The following PRICKLE1 variants were observed in gnomAD, a reference collection of about 807,000 sequenced individuals.
PRICKLE1 encodes the protein prickle-like protein 1.
In PRICKLE1, 14 loss-of-function variants were observed where a neutral mutation model predicts 70.2. The observed-to-expected ratio is 0.20, with a 90% CI of 0.13 to 0.31. The LOEUF is 0.31. Among genes scored for constraint, PRICKLE1 ranks in the 10% least tolerant of loss-of-function variants. PRICKLE1 has a pLI of 1.00. For missense variants in PRICKLE1, 821 were observed against 1,026.2 expected, an observed-to-expected ratio of 0.80 and a Z score of 2.73; for synonymous variants, 357 against 379.9, an observed-to-expected ratio of 0.94 and a Z score of 0.70.
intron 1 of PRICKLE1, among the ~76,000 whole-genome samples, chr12:42,575,432 C>T (rs1430919066): frequency 1.3e-5 from 2 of 152,126 alleles, no homozygotes; most frequent in Admixed American, 1.3e-4. Context: ...CAGTGGCTCA[C>T]GCCTGTAATC....
chr12:42,512,328 G>C (rs917202810), intron 1 of PRICKLE1, among the ~76,000 whole-genome samples: 29 of 136,202 alleles, frequency 2.1e-4, no homozygotes, highest in Non-Finnish European at 4.9e-4. Context: ...GCGGCACCAT[G>C]CCCAGCTAAT....
chr12:42,580,885 GA>G (rs1191348580), intron 1 of PRICKLE1, among the ~76,000 whole-genome samples: 2 of 151,942 alleles, frequency 1.3e-5, no homozygotes, highest in Non-Finnish European at 2.9e-5. Flanking sequence ...AAAGAGAAAG[GA>G]AGGAAGGACG....
At chr12:42,517,049 C>T (rs1321966747) in intron 1 of PRICKLE1, among the ~76,000 whole-genome samples, 2 of 152,138 alleles carry the variant, frequency 1.3e-5, no homozygotes, top group Non-Finnish European at 2.9e-5. Context: ...CTTCTTGAGC[C>T]TTTTGGAAGT....
chr12:42,548,492 C>A (rs922127000), intron 1 of PRICKLE1, among the ~76,000 whole-genome samples: 2 of 152,194 alleles, frequency 1.3e-5, no homozygotes, highest in Non-Finnish European at 2.9e-5. Flanking sequence ...TGAGAAGACA[C>A]CCATCTAGAA....
At chr12:42,479,918 C>T (rs1202211232) in intron 1 of PRICKLE1, among the ~76,000 whole-genome samples, 1 of 151,848 alleles carries the variant, frequency 6.6e-6, no homozygotes, top group Non-Finnish European at 1.5e-5. Context: ...CATGCCATTG[C>T]ACTCCAGCCT....
chr12:42,468,859 G>A, intron 4 of PRICKLE1, 30 bp from the exon 5 acceptor site: 1 of 1,600,782 alleles, frequency 6.2e-7, no homozygotes, highest in Non-Finnish European at 8.6e-7. Context: ...AATGTAAAAG[G>A]ATCATTTTTT....
intron 1 of PRICKLE1, among the ~76,000 whole-genome samples, chr12:42,528,745 A>G (rs1939857247): frequency 6.6e-6 from 1 of 152,240 alleles, no homozygotes; most frequent in Non-Finnish European, 1.5e-5. Flanking sequence ...ATATCCTCAC[A>G]GTCAATGCTC....
chr12:42,561,731 A>G (rs1342591804), intron 1 of PRICKLE1, among the ~76,000 whole-genome samples: 1 of 152,186 alleles, frequency 6.6e-6, no homozygotes, highest in Non-Finnish European at 1.5e-5. Context: ...TACACACAGT[A>G]ACCATGAAAT....
chr12:42,475,339 G>A lies in PRICKLE1; in HGVS notation c.-48-2775C>T, dbSNP rs114801439. ...GCCTGGCTGGTACCATTAGTGTTAC[G>A]GCATTTAATCACTGCATCAAGCAAC... is the stretch of plus-strand genomic sequence containing the variant. On this transcript the variant is annotated intron_variant, in intron 1 of 7. Transcript: ENST00000345127. Among the ~76,000 whole-genome samples, 873 of 152,240 alleles carry A rather than the reference G, an allele frequency of 5.7e-3. 11 individuals carry two copies. The highest frequency in any genetic ancestry group is 0.02 in the African/African-American group (836 of 41,518).
chr12:42,498,295 T>C (rs1468568377), intron 1 of PRICKLE1, among the ~76,000 whole-genome samples: 1 of 151,764 alleles, frequency 6.6e-6, no homozygotes, highest in African/African-American at 2.4e-5. Flanking sequence ...ACCCCGGCCC[T>C]GCTGAGTAGC....
chr12:42,518,395 GT>G (rs1007829826), intron 1 of PRICKLE1, among the ~76,000 whole-genome samples: 2 of 152,066 alleles, frequency 1.3e-5, no homozygotes, highest in Non-Finnish European at 2.9e-5. Context: ...AACAAGGATG[GT>G]TTTTTTATAC....
At position 42,532,079 on chromosome 12, in the gene PRICKLE1, C is replaced by A. The variant is rs75957717; in HGVS notation, c.-49+57386G>T. 8.9e-4 allele frequency among the ~76,000 whole-genome samples: 135 copies of A among 152,262 alleles called. 1 individual carries two copies. The East Asian group carries it at 0.014, about 15-fold the overall frequency. The stretch of plus-strand genomic sequence containing the variant: ...CTTGAAAGGCTGAAGTGGAAACGAT[C>A]GCTTGAGCCTGGGAGGTTGAGGCTG... On this transcript the variant is annotated intron_variant, in intron 1 of 7. Transcript: ENST00000345127.
At chr12:42,504,871 G>A (rs959684899) in intron 1 of PRICKLE1, among the ~76,000 whole-genome samples, 1 of 152,108 alleles carries the variant, frequency 6.6e-6, no homozygotes, top group Non-Finnish European at 1.5e-5. Context: ...AGCTGGGCAC[G>A]GTCACTCATG....
rs1938037593 is a variant in PRICKLE1, at chr12:42,465,047, G to C, written c.987C>G (p.Asp329Glu). The C allele has an allele frequency of 6.3e-7, 1 of 1,586,188 alleles. No homozygotes were observed. Among genetic ancestry groups the C allele is most frequent in the Non-Finnish European group, 8.6e-7 (1 of 1,167,938 alleles). The change falls in exon 7 of 8, where the codon GAC (aspartate) becomes GAG (glutamate). Residue 329 changes from aspartate to glutamate, a missense_variant. Transcript: ENST00000345127. The stretch of plus-strand genomic sequence containing the variant: ...TGCCCATTCGGACACTTCTTCGGGA[G>C]TCTCTTGATCGAGCTGACTGAAATG... ...DSAFQSARSR[D>E]SRRSVRMGKS...
chr12:42,465,821 T>C, intron 6 of PRICKLE1: 1 of 356,404 alleles, frequency 2.8e-6, no homozygotes, highest in African/African-American at 2.1e-5. Flanking sequence ...GCATCAACAA[T>C]GTACATTCAA....
At chr12:42,479,698 T>C (rs1938718468) in intron 1 of PRICKLE1, among the ~76,000 whole-genome samples, 1 of 152,224 alleles carries the variant, frequency 6.6e-6, no homozygotes, top group African/African-American at 2.4e-5. Context: ...GGCTCATGCC[T>C]GTAATCCCAG....
At chr12:42,511,175 C>T (rs1939506884) in intron 1 of PRICKLE1, among the ~76,000 whole-genome samples, 1 of 152,256 alleles carries the variant, frequency 6.6e-6, no homozygotes, top group East Asian at 1.9e-4. Context: ...CTGTCTTTAC[C>T]AATAAAACCA....
chr12:42,569,591 T>C (rs1222785287), intron 1 of PRICKLE1, among the ~76,000 whole-genome samples: 1 of 152,246 alleles, frequency 6.6e-6, no homozygotes, highest in East Asian at 1.9e-4. Flanking sequence ...GTCATTCTTA[T>C]GGTGCCAGCT....
Position 42,558,787 on chromosome 12 carries a change from G to A in PRICKLE1, c.-49+30678C>T, listed in dbSNP as rs528317354. Among the ~76,000 whole-genome samples, 8 of 152,284 alleles carry A rather than the reference G, an allele frequency of 5.3e-5. No individual in the cohort carries two copies. The South Asian group carries it at 1.7e-3, about 32-fold the overall frequency. ...AGAGCTGAAAAGCATGGTTGATATTGTATAAAACTCAGCAAATGAGCACTA... is the reference window on the plus strand; with the variant it reads ...AGAGCTGAAAAGCATGGTTGATATTATATAAAACTCAGCAAATGAGCACTA... On this transcript the variant is annotated intron_variant, in intron 1 of 7. Coordinates refer to ENST00000345127, the MANE Select transcript of PRICKLE1 (RefSeq NM_153026.3).
Sources: gnomAD v4.1 joint callset for allele counts (sites outside exome capture counted in the v4.1 genomes callset) on GRCh38, gnomAD v4.1.1 for gene constraint, MANE v1.5 for transcripts, NCBI Gene and HGNC (gene_info 2026-07-23, HGNC 2026-07-21) for gene names.